The following FANCM variants were observed in gnomAD, a reference collection of about 807,000 sequenced individuals.
FANCM encodes the protein Fanconi anemia group M protein.
Under a neutral mutation model 199.5 loss-of-function variants are expected in FANCM, and 140 were observed. That is an observed-to-expected ratio of 0.70 (90% CI 0.61 to 0.81). The LOEUF (loss-of-function observed/expected upper bound fraction) is 0.81. FANCM is among the 30% of genes least tolerant of loss of function. The probability of loss-of-function intolerance (pLI) is 0.00; values close to 1 mark genes in which losing one functional copy is unlikely to be tolerated. For synonymous variants in FANCM, 840 were observed against 836.8 expected (o/e 1.00, Z -0.07); for missense variants, 2,410 against 2,421.4 (o/e 1.00, Z 0.10).
intron 5 of FANCM, among the ~76,000 whole-genome samples, chr14:45,152,007 G>T (rs1271704214): frequency 6.7e-6 from 1 of 149,434 alleles, no homozygotes; most frequent in Non-Finnish European, 1.5e-5. Flanking sequence ...TTTGAATTAG[G>T]ATAAATTTTA....
At chr14:45,146,960 C>A (rs922072288) in intron 3 of FANCM, among the ~76,000 whole-genome samples, 1 of 150,932 alleles carries the variant, frequency 6.6e-6, no homozygotes, top group Admixed American at 6.6e-5. Context: ...CATTCTTTTG[C>A]GTATTGATTA....
In FANCM at chr14:45,136,348, A is replaced by G. The variant is rs550700790; in HGVS notation, c.317A>G (p.Asn106Ser). The change falls in exon 1 of 23, where the codon AAT becomes AGT. Residue 106 changes from asparagine to serine, a missense_variant. Asn to Ser is a conservative substitution (Grantham distance 46). Coordinates refer to ENST00000267430, the MANE Select transcript of FANCM (RefSeq NM_020937.4). ...LHISRAALFCNTLVCLPTGLG... is the reference protein window; with the variant it reads ...LHISRAALFCSTLVCLPTGLG... Reference sequence around the variant, plus strand: ...ATTTCCCGGGCTGCTCTGTTTTGCAATACGCTGGTGTGTCTGCCTACCGGA... The same window carrying G: ...ATTTCCCGGGCTGCTCTGTTTTGCAGTACGCTGGTGTGTCTGCCTACCGGA... 44 of 1,614,144 alleles carry G rather than the reference A, an allele frequency of 2.7e-5. No homozygotes were observed. Among genetic ancestry groups the G allele is most frequent in the Admixed American group, 6.7e-5 (4 of 60,022 alleles).
At chr14:45,160,002 GTT>G (rs200603043) in intron 9 of FANCM, among the ~76,000 whole-genome samples, 11,480 of 121,736 alleles carry the variant, frequency 0.094, 1,135 homozygotes, top group African/African-American at 0.28. Context: ...TTTTTTTTTT[GTT>G]TTTTTTTTTT....
intron 3 of FANCM, among the ~76,000 whole-genome samples, chr14:45,141,303 A>G (rs1248457236): frequency 1.5e-4 from 23 of 151,420 alleles, no homozygotes; most frequent in South Asian, 4.2e-4. Flanking sequence ...AAAAAAAAAA[A>G]AAAAAGAAAG....
Position 45,166,999 on chromosome 14 carries a change from C to A in FANCM, c.1838C>A (p.Ser613Ter). The stretch of plus-strand genomic sequence containing the variant: ...AAAAGAAGTATATATAAAGCTATTT[C>A]AAGTAACAGGCAGGTCCTTCATTTT... ...SNKRSIYKAI[S>*]SNRQVLHFYQ... Residue 613 changes from serine (S) to a stop codon, truncating the protein, a stop_gained, in exon 11 of 23, where the codon TCA becomes TAA. Transcript: ENST00000267430. LOFTEE classifies it high-confidence loss of function. 6.2e-7 allele frequency: 1 copy of A among 1,609,284 alleles called. No individual in the cohort carries two copies. Among genetic ancestry groups the A allele is most frequent in the Non-Finnish European group, 8.5e-7 (1 of 1,175,656 alleles).
At chr14:45,144,755 TG>T (rs917152490) in intron 3 of FANCM, among the ~76,000 whole-genome samples, 2 of 152,196 alleles carry the variant, frequency 1.3e-5, no homozygotes, top group African/African-American at 4.8e-5. Flanking sequence ...CCCTCTGGCC[TG>T]GGACAGTTTC....
intron 16 of FANCM, among the ~76,000 whole-genome samples, chr14:45,183,569 A>T (rs1367772849): frequency 1.3e-5 from 2 of 152,174 alleles, no homozygotes; most frequent in African/African-American, 4.8e-5. Context: ...ACTATATTGG[A>T]TGAATACCTA....
rs757495933 is a variant in FANCM at position 45,183,811 on chromosome 14, C to G, written c.4424C>G (p.Pro1475Arg). 6.2e-7 allele frequency: 1 copy of G among 1,609,404 alleles called. No individual in the cohort carries two copies. Among genetic ancestry groups the G allele is most frequent in the Non-Finnish European group, 8.5e-7 (1 of 1,176,268 alleles). Residue 1475 changes from proline (P) to arginine (R), a missense_variant, in exon 17 of 23, where the codon CCC (proline) becomes CGC (arginine). Pro to Arg is a moderately radical substitution (Grantham distance 103). Transcript: ENST00000267430. ...TCTAGTGATGAGAGTGAGAATTTTC[C>G]CAAACCATGTTCACAATTAGAAGAC... ...LSSSDESENF[P>R]KPCSQLEDFK...
At chr14:45,187,959 T>A in intron 19 of FANCM, 72 bp downstream of exon 19, 1 of 805,742 alleles carries the variant, frequency 1.2e-6, no homozygotes, top group Non-Finnish European at 2.1e-6. Context: ...TAGTGAAGCC[T>A]CCATTTTGTT....
Position 45,176,006 on chromosome 14 carries a change from T to C in FANCM, c.3252T>C (p.Asp1084=), listed in dbSNP as rs773293513. 1 of 1,613,770 alleles carries C rather than the reference T, an allele frequency of 6.2e-7. No individual in the cohort carries two copies. Among genetic ancestry groups the C allele is most frequent in the Non-Finnish European group, 8.5e-7 (1 of 1,179,708 alleles). ...ISDEPSLCDC[D]VHKHNQNENL... is the part of the protein sequence containing the mutation. Reference sequence around the variant, plus strand: ...ATGAGCCAAGTCTCTGTGACTGTGATGTACATAAACATAATCAAAATGAAA... The same window carrying C: ...ATGAGCCAAGTCTCTGTGACTGTGACGTACATAAACATAATCAAAATGAAA... The change falls in exon 14 of 23, where the codon GAT becomes GAC. Residue 1084 remains aspartate (D), a synonymous_variant. Transcript: ENST00000267430.
In FANCM at chr14:45,170,740, C is replaced by T. The variant is rs762821828; in HGVS notation, c.2154C>T (p.Asn718=). The T allele has an allele frequency of 6.2e-7, 1 of 1,609,058 alleles. No homozygotes were observed. Among genetic ancestry groups the T allele is most frequent in the Non-Finnish European group, 8.5e-7 (1 of 1,176,076 alleles). Residue 718 remains asparagine (N), a synonymous_variant, in exon 12 of 23, where the codon AAC becomes AAT. Coordinates refer to ENST00000267430, the MANE Select transcript of FANCM (RefSeq NM_020937.4). ...VQFSSLQNEE[N]KPAQESTTGI... is the part of the protein sequence containing the mutation. ...TTTCTTCTTTACAAAATGAGGAAAA[C>T]AAACCAGTAAGTTGAATATATTTTC... is the stretch of plus-strand genomic sequence containing the variant.
intron 20 of FANCM, among the ~76,000 whole-genome samples, chr14:45,193,881 T>A (rs1328659935): frequency 6.6e-6 from 1 of 152,224 alleles, no homozygotes; most frequent in African/African-American, 2.4e-5. Flanking sequence ...TTGTGTTGAA[T>A]CCATAGATTA....
At position 45,173,055 on chromosome 14, in the gene FANCM, G is replaced by C. The variant is rs563314173; in HGVS notation, c.2161G>C (p.Ala721Pro). 5 of 1,600,692 alleles carry C rather than the reference G, an allele frequency of 3.1e-6. No individual in the cohort carries two copies. Among genetic ancestry groups the C allele is most frequent in the African/African-American group, 2.7e-5 (2 of 74,624 alleles). The change falls in exon 13 of 23, where the codon GCT (alanine) becomes CCT (proline). Residue 721 changes from alanine to proline, a missense_variant and splice_region_variant. Transcript: ENST00000267430. ...TTTTATTACTTTTTAAATAATTAAG[G>C]CTCAAGAATCAACCACTGGAATTCA... is the stretch of plus-strand genomic sequence containing the variant. ...SSLQNEENKP[A>P]QESTTGIHQL...
At chr14:45,164,625 G>T in intron 10 of FANCM, 60 bp downstream of exon 10, 1 of 1,273,708 alleles carries the variant, frequency 7.9e-7, no homozygotes, top group Non-Finnish European at 1.1e-6. Context: ...CAGCCCAAAG[G>T]TGAATATCAA....
chr14:45,189,242 T>C lies in FANCM; in HGVS notation c.5220T>C (p.Asp1740=). 6.2e-7 allele frequency: 1 copy of C among 1,614,122 alleles called. No homozygotes were observed. The highest frequency in any genetic ancestry group is 8.5e-7 in the Non-Finnish European group (1 of 1,179,986). ...AACAGACATCGCTGAATTTAAAGGA[T>C]ACAATTTCCGAAGTCTCAGACTTCA... ...QSKQTSLNLK[D]TISEVSDFKP... The change falls in exon 20 of 23, where the codon GAT becomes GAC. Residue 1740 remains aspartate (D), a synonymous_variant. Transcript: ENST00000267430.
intron 3 of FANCM, among the ~76,000 whole-genome samples, chr14:45,146,240 GAAAAAAA>G (rs143430263): frequency 1.1e-4 from 10 of 93,182 alleles, no homozygotes; most frequent in Non-Finnish European, 1.8e-4. Flanking sequence ...GACTCCGTCT[GAAAAAAA>G]AAAAAAAAAA....
In FANCM at chr14:45,200,556, A is replaced by G. The variant is rs768357893; in HGVS notation, c.*548A>G. On this transcript the variant is annotated 3_prime_UTR_variant, in exon 23 of 23. Transcript: ENST00000267430. ...GGTGTGTCCCAGTTAAGTACTGTCA[A>G]ATCTATTAATATGAACTCTGATATG... The G allele has an allele frequency of 6.6e-6, 1 of 152,490 alleles. No individual in the cohort carries two copies. Among genetic ancestry groups the G allele is most frequent in the Non-Finnish European group, 1.5e-5 (1 of 68,282 alleles). The allele number at this position is 152,490 out of a possible 1,614,324, so 9.4% of individuals were successfully genotyped here.
chr14:45,198,426 C>A (rs1283399855), intron 21 of FANCM: 5 of 405,054 alleles, frequency 1.2e-5, no homozygotes, highest in African/African-American at 8.0e-5. Context: ...TCCTTATTCA[C>A]CTTTCTACGT....
chr14:45,156,806 T>C (rs1887221362), intron 8 of FANCM, among the ~76,000 whole-genome samples: 1 of 150,654 alleles, frequency 6.6e-6, no homozygotes, highest in African/African-American at 2.4e-5. Flanking sequence ...TAGTCTCAGC[T>C]ACTCGGGAGG....
Sources: gnomAD v4.1 joint callset for allele counts (sites outside exome capture counted in the v4.1 genomes callset) on GRCh38, gnomAD v4.1.1 for gene constraint, MANE v1.5 for transcripts, NCBI Gene and HGNC (gene_info 2026-07-23, HGNC 2026-07-21) for gene names.